The following MAPK6 variants were observed in gnomAD, a reference collection of about 807,000 sequenced individuals.
MAPK6 encodes the protein ERK-3.
Under a neutral mutation model 59.3 loss-of-function variants are expected in MAPK6, and 19 were observed. That is an observed-to-expected ratio of 0.32 (90% CI 0.22 to 0.47). MAPK6 has a LOEUF of 0.47. Ranked by LOEUF, MAPK6 falls within the 20% of genes least tolerant of loss-of-function variation. MAPK6 has a pLI of 1.00. For synonymous variants in MAPK6, 316 were observed against 290.3 expected (o/e 1.09, Z -0.90); for missense variants, 724 against 847.9 (o/e 0.85, Z 1.81).
intron 1 of MAPK6, among the ~76,000 whole-genome samples, chr15:52,020,429 A>G (rs550047457): frequency 4.0e-5 from 6 of 151,506 alleles, no homozygotes; most frequent in East Asian, 3.9e-4. Context: ...ATTCGTGTTC[A>G]TTGCTAAAGA....
Position 52,066,013 on chromosome 15 carries a change from A to G in MAPK6, c.*1013A>G, listed in dbSNP as rs1038275037. On this transcript the variant is annotated 3_prime_UTR_variant, in exon 6 of 6. Transcript: ENST00000261845. Reference sequence around the variant, plus strand: ...CAAATGTTAGACTTGTGTGCATGGAAGTAATTAAGGTACATCATTATTGTA... The same window carrying G: ...CAAATGTTAGACTTGTGTGCATGGAGGTAATTAAGGTACATCATTATTGTA... 2.0e-5 allele frequency: 3 copies of G among 152,636 alleles called. No homozygotes were observed. The highest frequency in any genetic ancestry group is 7.2e-5 in the African/African-American group (3 of 41,464). The allele number at this position is 152,636 out of a possible 1,614,324, so 9.5% of individuals were successfully genotyped here.
chr15:52,046,350 A>T lies in MAPK6; in HGVS notation c.-111A>T, dbSNP rs1249808925. 5.0e-6 allele frequency: 4 copies of T among 799,598 alleles called. No homozygotes were observed. The highest frequency in any genetic ancestry group is 6.1e-6 in the Non-Finnish European group (3 of 489,514). The allele number at this position is 799,598 out of a possible 1,614,324, so 49.5% of individuals were successfully genotyped here. On this transcript the variant is annotated 5_prime_UTR_variant, in exon 2 of 6. Coordinates refer to ENST00000261845, the MANE Select transcript of MAPK6 (RefSeq NM_002748.4). ...CAAGAAACCATCTTGCTGTGGAAGC[A>T]TAATTATTTTTCTTCTCCCTTTTTG...
chr15:51,973,398 GTGGCGCCATCA>G (rs2057145007), intron 1 of MAPK6, among the ~76,000 whole-genome samples: 1 of 151,846 alleles, frequency 6.6e-6, no homozygotes, highest in Non-Finnish European at 1.5e-5. Flanking sequence ...CTGGAGCGCA[GTGGCGCCATCA>G]TAGCTCACTG....
At position 52,064,536 on chromosome 15, in the gene MAPK6, A is replaced by G; in HGVS notation, c.1702A>G (p.Lys568Glu). The G allele has an allele frequency of 6.2e-7, 1 of 1,611,008 alleles. No homozygotes were observed. The highest frequency in any genetic ancestry group is 8.5e-7 in the Non-Finnish European group (1 of 1,179,514). The change falls in exon 6 of 6, where the codon AAG (lysine) becomes GAG (glutamate). Residue 568 changes from lysine (K) to glutamate (E), a missense_variant. By Grantham distance (56) the Lys-to-Glu change is moderately conservative. This residue lies in a region of MAPK6 where 502 missense variants were observed against 507.6 expected (regional missense o/e 0.99). Transcript: ENST00000261845. ...SQLELKSLIS[K>E]SVSQEKQEKG... ...ACTAGAATTGAAAAGTTTGATATCA[A>G]AGTCAGTAAGCCAAGAAAAACAGGA...
At chr15:52,032,724 G>T (rs983647930) in intron 1 of MAPK6, among the ~76,000 whole-genome samples, 1 of 150,112 alleles carries the variant, frequency 6.7e-6, no homozygotes, top group Admixed American at 6.6e-5. Context: ...CGCTCTTGTT[G>T]CCCAGGCTGG....
chr15:52,057,558 CA>C (rs11322169), intron 3 of MAPK6, among the ~76,000 whole-genome samples: 134,517 of 149,270 alleles, frequency 0.9, 61,061 homozygotes, highest in Middle Eastern at 0.97. Flanking sequence ...TCCTTTGTCT[CA>C]AAAAAAAAAA....
intron 2 of MAPK6, among the ~76,000 whole-genome samples, chr15:51,988,992 C>T (rs796095931): frequency 2.2e-4 from 33 of 152,198 alleles, no homozygotes; most frequent in African/African-American, 7.9e-4. Context: ...TCAAATTTCC[C>T]TTTGCCTCCG....
chr15:52,012,764 G>A (rs1261626397), intron 3 of MAPK6, among the ~76,000 whole-genome samples: 5 of 151,408 alleles, frequency 3.3e-5, no homozygotes, highest in Admixed American at 6.6e-5. Flanking sequence ...CGAGGTGGGC[G>A]GATCACAAGG....
Position 52,058,731 on chromosome 15 carries a change from A to T in MAPK6, c.799A>T (p.Ile267Phe), listed in dbSNP as rs779023544. 3.7e-6 allele frequency: 6 copies of T among 1,613,754 alleles called. No individual in the cohort carries two copies. The East Asian group carries it at 1.3e-4, about 36-fold the overall frequency. Residue 267 changes from isoleucine to phenylalanine, a missense_variant, in exon 4 of 6, where the codon ATT becomes TTT. Ile to Phe is a conservative substitution (Grantham distance 21). Around this residue, in one of 4 missense-constraint regions of MAPK6, gnomAD observed 105 missense variants for 191.9 expected, o/e 0.55. Transcript: ENST00000261845. Reference sequence around the variant, plus strand: ...GCTTCTCAGCGTAATTCCAGTTTACATTAGAAATGACATGACTGAGCCACA... The same window carrying T: ...GCTTCTCAGCGTAATTCCAGTTTACTTTAGAAATGACATGACTGAGCCACA... ...QELLSVIPVY[I>F]RNDMTEPHKP...
chr15:52,060,882 TATC>T (rs1403682710), intron 4 of MAPK6, among the ~76,000 whole-genome samples: 1 of 152,174 alleles, frequency 6.6e-6, no homozygotes, highest in Non-Finnish European at 1.5e-5. Flanking sequence ...CCTTATGAAA[TATC>T]TATGTCTACT....
At chr15:51,990,724 G>T (rs2057205409) in intron 2 of MAPK6, among the ~76,000 whole-genome samples, 1 of 152,248 alleles carries the variant, frequency 6.6e-6, no homozygotes, top group African/African-American at 2.4e-5. Flanking sequence ...GCCAAGGCAG[G>T]CGGATCACGA....
intron 1 of MAPK6, among the ~76,000 whole-genome samples, chr15:52,021,140 T>C (rs947322191): frequency 4.6e-5 from 7 of 152,108 alleles, no homozygotes; most frequent in African/African-American, 1.7e-4. Context: ...AATAAAAAAA[T>C]GCACACATTC....
chr15:51,977,012 T>G (rs1298627405), intron 1 of MAPK6, among the ~76,000 whole-genome samples: 1 of 151,466 alleles, frequency 6.6e-6, no homozygotes, highest in Non-Finnish European at 1.5e-5. Context: ...TTATTATTTT[T>G]GGGGGAAGGG....
Position 52,058,699 on chromosome 15 carries a change from G to T in MAPK6, c.767G>T (p.Arg256Leu). 1 of 1,613,506 alleles carries T rather than the reference G, an allele frequency of 6.2e-7. No individual in the cohort carries two copies. The highest frequency in any genetic ancestry group is 8.5e-7 in the Non-Finnish European group (1 of 1,179,650). ...ATTCCTGTTGTACATGAGGAAGATC[G>T]TCAGGAGCTTCTCAGCGTAATTCCA... is the stretch of plus-strand genomic sequence containing the variant. The part of the protein sequence containing the change: ...ESIPVVHEED[R>L]QELLSVIPVY... The change falls in exon 4 of 6, where the codon CGT becomes CTT. Residue 256 changes from arginine to leucine, a missense_variant. Around this residue, in one of 4 missense-constraint regions of MAPK6, gnomAD observed 105 missense variants for 191.9 expected, o/e 0.55. Transcript: ENST00000261845.
chr15:51,975,998 G>A (rs1452429157), intron 1 of MAPK6, among the ~76,000 whole-genome samples: 4 of 151,816 alleles, frequency 2.6e-5, no homozygotes, highest in African/African-American at 9.7e-5. Context: ...TGGACACGGT[G>A]GCTCACGCCT....
intron 1 of MAPK6, among the ~76,000 whole-genome samples, chr15:52,036,129 C>G (rs1046253206): frequency 6.6e-6 from 1 of 151,996 alleles, no homozygotes; most frequent in Non-Finnish European, 1.5e-5. Flanking sequence ...TAACTACTAC[C>G]TGGCTCTGCC....
chr15:51,975,425 C>G (rs969049839), intron 1 of MAPK6, among the ~76,000 whole-genome samples: 6 of 151,446 alleles, frequency 4.0e-5, no homozygotes, highest in Admixed American at 1.3e-4. Context: ...CCTGTAGTCC[C>G]AGCTACTCAG....
intron 1 of MAPK6, among the ~76,000 whole-genome samples, chr15:51,976,141 C>G (rs1307179886): frequency 1.3e-5 from 2 of 151,288 alleles, no homozygotes; most frequent in African/African-American, 4.8e-5. Context: ...TGGCACATGC[C>G]TGTAGTCCCA....
upstream of MAPK6, among the ~76,000 whole-genome samples, chr15:52,015,805 C>T (rs2030219999): frequency 6.8e-6 from 1 of 147,430 alleles, no homozygotes; most frequent in Non-Finnish European, 1.5e-5. Flanking sequence ...CACCTGTAAT[C>T]CCAGCACTTT....
Sources: allele counts gnomAD v4.1 joint callset (sites outside exome capture counted in the v4.1 genomes callset), GRCh38; gene constraint gnomAD v4.1.1; regional missense constraint gnomAD v4.1.1; transcripts MANE v1.5; gene names NCBI Gene and HGNC (gene_info 2026-07-23, HGNC 2026-07-21).